Variants in MED12L observed in about 807,000 individuals in gnomAD.
MED12L encodes mediator of RNA polymerase II transcription subunit 12-like protein.
A neutral mutation model predicts 281.3 loss-of-function variants in MED12L; 60 were observed. The observed-to-expected ratio is 0.21, with a 90% CI of 0.17 to 0.26. MED12L has a LOEUF of 0.26. Ranked by LOEUF, MED12L falls within the 10% of genes least tolerant of loss-of-function variation. MED12L has a pLI of 1.00. For missense variants in MED12L, 2,146 were observed against 2,680.9 expected (o/e 0.80, Z 4.41); for synonymous variants, 974 against 987.2 (o/e 0.99, Z 0.25).
intron 16 of MED12L, among the ~76,000 whole-genome samples, chr3:151,199,991 CA>C (rs768550322): frequency 2.6e-5 from 4 of 151,952 alleles, no homozygotes; most frequent in Non-Finnish European, 5.9e-5. Context: ...AAAAAACAAA[CA>C]AAAAAACCCA....
intron 16 of MED12L, among the ~76,000 whole-genome samples, chr3:151,272,375 C>G (rs1258427338): frequency 6.6e-6 from 1 of 152,154 alleles, no homozygotes; most frequent in Non-Finnish European, 1.5e-5. Context: ...GTATATCATT[C>G]CCATAGTTAT....
At chr3:151,289,342 A>G (rs757795948) in intron 16 of MED12L, among the ~76,000 whole-genome samples, 14 of 152,226 alleles carry the variant, frequency 9.2e-5, no homozygotes, top group Non-Finnish European at 1.8e-4. Context: ...GTTGACTCAT[A>G]CTTACAAAGG....
intron 16 of MED12L, among the ~76,000 whole-genome samples, chr3:151,252,910 G>T (rs999841114): frequency 6.6e-6 from 1 of 152,134 alleles, no homozygotes; most frequent in Admixed American, 6.5e-5. Context: ...AATGACTGTA[G>T]TGTTAAAAGG....
intron 16 of MED12L, among the ~76,000 whole-genome samples, chr3:151,227,009 T>C (rs1387832216): frequency 6.6e-6 from 1 of 152,218 alleles, no homozygotes; most frequent in Non-Finnish European, 1.5e-5. Flanking sequence ...AGAGCTCTGC[T>C]TGCTGCTGTT....
In MED12L at chr3:151,267,906, G is replaced by A. The variant is rs144382727; in HGVS notation, c.2250+74240G>A. On this transcript the variant is annotated intron_variant, in intron 16 of 44. Transcript: ENST00000687756. ...ATAGCTTTTTAAAATTTCTTTGTAC[G>A]TAGAGTATTTTATCAGTTGCTAAGT... is the stretch of plus-strand genomic sequence containing the variant. Among the ~76,000 whole-genome samples, 166 of 152,236 alleles carry A rather than the reference G, an allele frequency of 1.1e-3. 1 individual carries two copies. The highest frequency in any genetic ancestry group is 3.7e-3 in the African/African-American group (153 of 41,560).
Position 151,384,013 on chromosome 3 carries a change from T to C in MED12L, c.4791-70T>C. 9 of 1,531,650 alleles carry C rather than the reference T, an allele frequency of 5.9e-6. No individual in the cohort carries two copies. In the South Asian group the frequency reaches 9.5e-5, roughly 16 times the overall value. 94.9% of individuals were successfully genotyped at this position (1,531,650 alleles called of 1,614,324 possible). A position where few individuals can be genotyped will look rare whatever the true frequency, so the allele number is the denominator to read the frequency against. ...GCTATTAAAAATTCTGTGCCTTGAA[T>C]AAAAATACTCAGTTAAATAAGTGTA... is the stretch of plus-strand genomic sequence containing the variant. On this transcript the variant is annotated intron_variant, in intron 34 of 44. Coordinates refer to ENST00000687756, the MANE Select transcript of MED12L (RefSeq NM_001393769.1).
intron 23 of MED12L, among the ~76,000 whole-genome samples, chr3:151,366,783 A>G (rs1437129316): frequency 1.3e-5 from 2 of 152,184 alleles, no homozygotes; most frequent in Non-Finnish European, 2.9e-5. Context: ...TTATGTATAT[A>G]AAATTCATAG....
intron 16 of MED12L, among the ~76,000 whole-genome samples, chr3:151,224,088 T>C (rs550118787): frequency 8.5e-5 from 13 of 152,182 alleles, no homozygotes; most frequent in Non-Finnish European, 1.8e-4. Context: ...TCTGCACTTC[T>C]GTTTTTGTAT....
At chr3:151,367,847 A>G (rs1755473747) in intron 24 of MED12L, 81 bp downstream of exon 24, 1 of 1,483,560 alleles carries the variant, frequency 6.7e-7, no homozygotes, top group African/African-American at 1.4e-5. Context: ...ACACAGGGAA[A>G]GGAGTATTTG....
At chr3:151,262,113 C>T (rs1739032638) in intron 16 of MED12L, among the ~76,000 whole-genome samples, 2 of 152,132 alleles carry the variant, frequency 1.3e-5, no homozygotes, top group African/African-American at 4.8e-5. Context: ...GTTATGAATA[C>T]CTTTCAGAAT....
rs2107922799 is a variant in MED12L, at chr3:151,365,958, G to A, written c.3294G>A (p.Val1098=). 6.2e-7 allele frequency: 1 copy of A among 1,612,716 alleles called. No homozygotes were observed. Among genetic ancestry groups the A allele is most frequent in the Non-Finnish European group, 8.5e-7 (1 of 1,179,136 alleles). ...LKALCCSSNH[V]WGFNDVLCTV... ...CTCTTTGTTGTTCTTCAAATCACGT[G>A]TGGGGGTTTAATGATGTACTTTGCA... The change falls in exon 23 of 45, where the codon GTG becomes GTA. Residue 1098 remains valine, a synonymous_variant. Coordinates refer to ENST00000687756, the MANE Select transcript of MED12L (RefSeq NM_001393769.1).
intron 40 of MED12L, 122 bp from the exon 41 acceptor site, chr3:151,411,156 C>T: frequency 1.3e-6 from 1 of 780,012 alleles, no homozygotes. Context: ...TTATGAGAAC[C>T]TTTGAAAACA....
At chr3:151,426,158 A>G (rs1356583626) in intron 43 of MED12L, among the ~76,000 whole-genome samples, 1 of 152,244 alleles carries the variant, frequency 6.6e-6, no homozygotes, top group Non-Finnish European at 1.5e-5. Context: ...GATGATTCCA[A>G]AATCTCACCA....
chr3:151,385,285 T>A, intron 36 of MED12L, 94 bp downstream of exon 36: 1 of 700,346 alleles, frequency 1.4e-6, no homozygotes, highest in Non-Finnish European at 2.2e-6. Flanking sequence ...AATATATTAA[T>A]TTTGCTGTTG....
At chr3:151,141,657 A>T (rs2148869124) in intron 5 of MED12L, among the ~76,000 whole-genome samples, 1 of 152,314 alleles carries the variant, frequency 6.6e-6, no homozygotes, top group African/African-American at 2.4e-5. Context: ...TTTAAGTAAG[A>T]ATTGGGATTT....
intron 16 of MED12L, among the ~76,000 whole-genome samples, chr3:151,302,647 A>T (rs535528589): frequency 6.6e-6 from 1 of 152,164 alleles, no homozygotes; most frequent in Non-Finnish European, 1.5e-5. Context: ...ACTGTCAGCC[A>T]TATGCCTGAG....
At chr3:151,137,500 T>A (rs1202700276) in intron 5 of MED12L, among the ~76,000 whole-genome samples, 1 of 152,208 alleles carries the variant, frequency 6.6e-6, no homozygotes, top group African/African-American at 2.4e-5. Context: ...ATCTGGGTGC[T>A]AAAGGTGCTC....
intron 16 of MED12L, chr3:151,198,405 G>A: frequency 1.3e-6 from 2 of 1,554,444 alleles, no homozygotes; most frequent in Non-Finnish European, 1.7e-6. Flanking sequence ...GCCAGAATTG[G>A]TAGCACAAAA....
At chr3:151,128,768 A>C (rs968582273) in intron 5 of MED12L, among the ~76,000 whole-genome samples, 2 of 152,260 alleles carry the variant, frequency 1.3e-5, no homozygotes, top group Admixed American at 1.3e-4. Flanking sequence ...TATTTTATTC[A>C]ATGTCCATCT....
Sources: allele counts gnomAD v4.1 joint callset (sites outside exome capture counted in the v4.1 genomes callset), GRCh38; gene constraint gnomAD v4.1.1; transcripts MANE v1.5; gene names NCBI Gene and HGNC (gene_info 2026-07-23, HGNC 2026-07-21).